PCDHGA3: variants seen among roughly 807,000 people sequenced by gnomAD.
PCDHGA3 encodes protocadherin gamma subfamily A, 3.
Under a neutral mutation model 58.5 loss-of-function variants are expected in PCDHGA3, and 40 were observed. That is an observed-to-expected ratio of 0.68 (90% CI 0.53 to 0.89). PCDHGA3 has a LOEUF of 0.89. Among genes scored for constraint, PCDHGA3 ranks in the 40% least tolerant of loss-of-function variants. PCDHGA3 has a pLI of 0.00. For missense variants in PCDHGA3, 1,223 were observed against 1,195.9 expected (o/e 1.02, Z -0.33); for synonymous variants, 530 against 525.7 (o/e 1.01, Z -0.11).
At position 141,415,593 on chromosome 5, in the gene PCDHGA3, G is replaced by A. The variant is rs201857595; in HGVS notation, c.2424+69136G>A. ...TAGATGATTCGAAGTTTCCTATAGA[G>A]GATACCCCATTGGTTCCAGTGAGTT... On this transcript the variant is annotated intron_variant, in intron 1 of 3. Transcript: ENST00000253812. The A allele has an allele frequency of 7.6e-5, 122 of 1,613,876 alleles. No homozygotes were observed. In the East Asian group the frequency reaches 2.7e-3, roughly 35 times the overall value.
In PCDHGA3 at chr5:141,510,950, C is replaced by T. The variant is rs770587030; in HGVS notation, c.2576C>T (p.Ala859Val). 1.2e-6 allele frequency: 2 copies of T among 1,614,126 alleles called. No homozygotes were observed. The highest frequency in any genetic ancestry group is 2.2e-5 in the South Asian group (2 of 91,078). ...QAMILASASE[A>V]ADGSSTLGGG... Reference sequence around the variant, plus strand: ...TGATCTTCCTCTGTCTCTGCAGAAGCTGCTGATGGGAGCTCCACCCTGGGA... The same window carrying T: ...TGATCTTCCTCTGTCTCTGCAGAAGTTGCTGATGGGAGCTCCACCCTGGGA... The change falls in exon 4 of 4, where the codon GCT (alanine) becomes GTT (valine). Residue 859 changes from alanine (A) to valine (V), a missense_variant. Physicochemically the swap from Ala to Val is moderately conservative, Grantham distance 64. This residue lies in a region of PCDHGA3 where 325 missense variants were observed against 327.5 expected (regional missense o/e 0.99). Transcript: ENST00000253812.
chr5:141,446,173 G>A (rs2098491860), intron 1 of PCDHGA3, among the ~76,000 whole-genome samples: 1 of 152,076 alleles, frequency 6.6e-6, no homozygotes, highest in East Asian at 1.9e-4. Context: ...TGAGGGCAGG[G>A]GGTGTTTTGT....
chr5:141,353,348 A>G (rs1249385439), intron 1 of PCDHGA3, among the ~76,000 whole-genome samples: 2 of 152,194 alleles, frequency 1.3e-5, no homozygotes, highest in Non-Finnish European at 2.9e-5. Context: ...CATCAATTAC[A>G]TTAATTATGT....
intron 1 of PCDHGA3, chr5:141,366,021 A>G (rs1165223117): frequency 1.9e-6 from 3 of 1,614,092 alleles, no homozygotes; most frequent in Non-Finnish European, 1.7e-6. Flanking sequence ...GAGATCCTGT[A>G]CCCCGCCCTC....
chr5:141,361,982 T>G (rs756919510), intron 1 of PCDHGA3: 7 of 1,601,420 alleles, frequency 4.4e-6, no homozygotes, highest in Non-Finnish European at 6.0e-6. Context: ...GAGCCCGGGC[T>G]CTTCAGCCTG....
chr5:141,392,869 T>G, intron 1 of PCDHGA3: 4 of 1,613,228 alleles, frequency 2.5e-6, no homozygotes, highest in Non-Finnish European at 3.4e-6. Flanking sequence ...CTGTGCGCGC[T>G]GCTGGGAACG....
At chr5:141,399,625 T>C (rs1270466401) in intron 1 of PCDHGA3, 9 of 1,613,796 alleles carry the variant, frequency 5.6e-6, no homozygotes, top group African/African-American at 1.3e-5. Context: ...ACTGGCCTCT[T>C]ACGTGTCCAT....
At position 141,432,950 on chromosome 5, in the gene PCDHGA3, G is replaced by T. The variant is rs750033444; in HGVS notation, c.2425-61857G>T. ...ACGCCTGCTGCAGGCTTCAGGAGGCGGCTTGACAGGAGCGCCGGCGTCGCA... is the reference window on the plus strand; with the variant it reads ...ACGCCTGCTGCAGGCTTCAGGAGGCTGCTTGACAGGAGCGCCGGCGTCGCA... On this transcript the variant is annotated intron_variant, in intron 1 of 3. Coordinates refer to ENST00000253812, the MANE Select transcript of PCDHGA3 (RefSeq NM_018916.4). This position sits in a 1 kb window ranked among gnomAD's most constrained non-coding sequence, Gnocchi z 6.0. 6 of 1,614,072 alleles carry T rather than the reference G, an allele frequency of 3.7e-6. No individual in the cohort carries two copies. Among genetic ancestry groups the T allele is most frequent in the Admixed American group, 1.7e-5 (1 of 60,010 alleles).
intron 1 of PCDHGA3, chr5:141,371,955 GA>G: frequency 6.2e-7 from 1 of 1,613,258 alleles, no homozygotes; most frequent in Non-Finnish European, 8.5e-7. Flanking sequence ...GCGAGCCTTC[GA>G]CCACGAGCAG....
chr5:141,436,638 A>G (rs2097838155), intron 1 of PCDHGA3, among the ~76,000 whole-genome samples: 1 of 152,194 alleles, frequency 6.6e-6, no homozygotes, highest in Non-Finnish European at 1.5e-5. Flanking sequence ...ACATGCAATT[A>G]ATTAACAGTA....
intron 1 of PCDHGA3, among the ~76,000 whole-genome samples, chr5:141,438,587 C>CAT (rs1372372472): frequency 1.4e-4 from 10 of 73,396 alleles, no homozygotes; most frequent in East Asian, 3.8e-4. Context: ...TACATACATA[C>CAT]ATACATATAT....
At chr5:141,499,061 G>A (rs1300036203) in intron 2 of PCDHGA3, among the ~76,000 whole-genome samples, 1 of 151,914 alleles carries the variant, frequency 6.6e-6, no homozygotes, top group African/African-American at 2.4e-5. Flanking sequence ...AAATGAAGAA[G>A]ACTTACATTC....
At chr5:141,360,231 G>T in intron 1 of PCDHGA3, 2 of 1,613,880 alleles carry the variant, frequency 1.2e-6, no homozygotes, top group Non-Finnish European at 1.7e-6. Flanking sequence ...TCCCAGTCCA[G>T]ATCCGCTATT....
rs745516293 is a variant in PCDHGA3, at chr5:141,382,909, C to T, written c.2424+36452C>T. 11 of 1,546,196 alleles carry T rather than the reference C, an allele frequency of 7.1e-6. No homozygotes were observed. The South Asian group carries it at 1.4e-4, about 19-fold the overall frequency. On this transcript the variant is annotated intron_variant, in intron 1 of 3. Transcript: ENST00000253812. Reference sequence around the variant, plus strand: ...GAGAAGCAGGACGACTATGGCGGCTCAGCCGAGGGGCGGGGACTACAGAGG... The same window carrying T: ...GAGAAGCAGGACGACTATGGCGGCTTAGCCGAGGGGCGGGGACTACAGAGG...
In PCDHGA3 at chr5:141,485,244, T is replaced by C; in HGVS notation, c.2425-9563T>C. ...ACCCTTTTGTTCCTCTTTTACCACC[T>C]GGGTTACGTTTGTGGGCAGATCCGC... On this transcript the variant is annotated intron_variant, in intron 1 of 3. Transcript: ENST00000253812. This position sits in a 1 kb window ranked among gnomAD's most constrained non-coding sequence, Gnocchi z 5.7. 1 of 1,614,168 alleles carries C rather than the reference T, an allele frequency of 6.2e-7. No individual in the cohort carries two copies. Among genetic ancestry groups the C allele is most frequent in the Admixed American group, 1.7e-5 (1 of 60,016 alleles).
intron 1 of PCDHGA3, chr5:141,478,150 C>T (rs569939900): frequency 6.2e-7 from 1 of 1,614,086 alleles, no homozygotes; most frequent in African/African-American, 1.3e-5. Flanking sequence ...CCGAGTTCCC[C>T]TCTGGCTCTG....
intron 1 of PCDHGA3, chr5:141,389,959 T>C (rs764607245): frequency 6.2e-7 from 1 of 1,614,058 alleles, no homozygotes; most frequent in Non-Finnish European, 8.5e-7. Flanking sequence ...TACCTAGTGG[T>C]GGCCTTGGCC....
Position 141,456,055 on chromosome 5 carries a change from G to A in PCDHGA3, c.2425-38752G>A, listed in dbSNP as rs78682041. On this transcript the variant is annotated intron_variant, in intron 1 of 3. Coordinates refer to ENST00000253812, the MANE Select transcript of PCDHGA3 (RefSeq NM_018916.4). Reference sequence around the variant, plus strand: ...TGGGACTACAGGCGCCCACCACCACGTCCGGCTAATTTTTTGTATTTTCAG... The same window carrying A: ...TGGGACTACAGGCGCCCACCACCACATCCGGCTAATTTTTTGTATTTTCAG... Among the ~76,000 whole-genome samples, 302 of 151,836 alleles carry A rather than the reference G, an allele frequency of 2.0e-3. 1 individual carries two copies. The highest frequency in any genetic ancestry group is 0.01 in the Middle Eastern group (3 of 292).
chr5:141,398,476 T>C (rs756685671), intron 1 of PCDHGA3: 1 of 1,607,694 alleles, frequency 6.2e-7, no homozygotes. Flanking sequence ...ACTGAACTTT[T>C]ATCACGTGAA....
Sources: gnomAD v4.1 joint callset for allele counts (sites outside exome capture counted in the v4.1 genomes callset) on GRCh38, gnomAD v4.1.1 for gene constraint, gnomAD v4.1.1 regional missense constraint, Gnocchi (gnomAD v3.1) non-coding constraint, MANE v1.5 for transcripts, NCBI Gene and HGNC (gene_info 2026-07-23, HGNC 2026-07-21) for gene names.